DYNC1I1: variants seen among roughly 807,000 people sequenced by gnomAD.
The protein encoded by DYNC1I1 is dynein cytoplasmic 1 intermediate chain 1, also known as cytoplasmic dynein 1 intermediate chain 1.
A neutral mutation model predicts 86.6 loss-of-function variants in DYNC1I1; 43 were observed. The ratio of observed to expected loss-of-function variants is 0.50; its 90% CI spans 0.39 to 0.64. The LOEUF is 0.64. DYNC1I1 is among the 30% of genes least tolerant of loss of function. The pLI, the probability that DYNC1I1 is intolerant of heterozygous loss-of-function variation, is 0.00. For synonymous variants in DYNC1I1, 262 were observed against 283.7 expected, an observed-to-expected ratio of 0.92 and a Z score of 0.77; for missense variants, 604 against 788.8, an observed-to-expected ratio of 0.77 and a Z score of 2.81.
intron 5 of DYNC1I1, among the ~76,000 whole-genome samples, chr7:95,848,823 T>C (rs1789504021): frequency 6.6e-6 from 1 of 152,162 alleles, no homozygotes; most frequent in Admixed American, 6.5e-5. Context: ...ATAATGGCTA[T>C]ACTAATGTAC....
chr7:95,968,720 G>T (rs996537422), intron 6 of DYNC1I1, among the ~76,000 whole-genome samples: 1 of 152,132 alleles, frequency 6.6e-6, no homozygotes, highest in Non-Finnish European at 1.5e-5. Flanking sequence ...GTCTAAAAGC[G>T]GAAGTAGATA....
At chr7:95,780,796 C>T (rs1023945967) in intron 1 of DYNC1I1, among the ~76,000 whole-genome samples, 1 of 152,126 alleles carries the variant, frequency 6.6e-6, no homozygotes, top group Non-Finnish European at 1.5e-5. Context: ...GACCCTGAGA[C>T]TCTGTCTCAG....
At chr7:96,076,289 T>C (rs1162417672) in intron 15 of DYNC1I1, 92 bp downstream of exon 15, 3 of 1,522,356 alleles carry the variant, frequency 2.0e-6, no homozygotes, top group Non-Finnish European at 1.8e-6. Context: ...AAAACGGCCT[T>C]TTTTGGACAG....
At chr7:95,856,737 T>C (rs2116097812) in intron 5 of DYNC1I1, among the ~76,000 whole-genome samples, 1 of 152,166 alleles carries the variant, frequency 6.6e-6, no homozygotes, top group East Asian at 1.9e-4. Context: ...TCCCAGCACT[T>C]TGGGAGGCTG....
intron 1 of DYNC1I1, among the ~76,000 whole-genome samples, chr7:95,787,416 G>T (rs1395131605): frequency 6.6e-6 from 1 of 152,120 alleles, no homozygotes; most frequent in Non-Finnish European, 1.5e-5. Context: ...GGGAAGGGAG[G>T]CAGAATCTAG....
chr7:95,811,325 C>T (rs1794825929), intron 3 of DYNC1I1, among the ~76,000 whole-genome samples: 1 of 151,936 alleles, frequency 6.6e-6, no homozygotes, highest in African/African-American at 2.4e-5. Context: ...TAGTTAAAAA[C>T]CCTTTTGGAA....
At chr7:95,901,072 G>T (rs938434783) in intron 6 of DYNC1I1, among the ~76,000 whole-genome samples, 3 of 152,204 alleles carry the variant, frequency 2.0e-5, no homozygotes, top group Non-Finnish European at 4.4e-5. Context: ...ATGTCAGCTT[G>T]GATGGAAATA....
At chr7:95,941,499 G>T (rs1463732812) in intron 6 of DYNC1I1, among the ~76,000 whole-genome samples, 1 of 152,154 alleles carries the variant, frequency 6.6e-6, no homozygotes, top group Non-Finnish European at 1.5e-5. Flanking sequence ...AGCAAGCCTG[G>T]GCAATGGCGG....
chr7:96,083,629 T>C (rs1218918228), intron 16 of DYNC1I1, among the ~76,000 whole-genome samples: 7 of 152,198 alleles, frequency 4.6e-5, no homozygotes, highest in Non-Finnish European at 8.8e-5. Context: ...GATGGAATGC[T>C]TCATGGCAGG....
intron 14 of DYNC1I1, among the ~76,000 whole-genome samples, chr7:96,061,614 C>T (rs1489713378): frequency 2.6e-5 from 4 of 151,916 alleles, no homozygotes; most frequent in African/African-American, 7.2e-5. Context: ...AATAGTGAGC[C>T]GTTCACCCCC....
chr7:95,853,722 T>C (rs1192414199), intron 5 of DYNC1I1, among the ~76,000 whole-genome samples: 1 of 152,228 alleles, frequency 6.6e-6, no homozygotes, highest in Non-Finnish European at 1.5e-5. Flanking sequence ...ATTGATTTTC[T>C]GTCTGCCAAT....
chr7:96,076,230 G>A, intron 15 of DYNC1I1, 33 bp downstream of exon 15: 4 of 1,610,254 alleles, frequency 2.5e-6, no homozygotes, highest in Middle Eastern at 1.7e-4. Context: ...GGGCCGGAGG[G>A]CTGGGAGGGG....
intron 5 of DYNC1I1, among the ~76,000 whole-genome samples, chr7:95,851,984 A>G (rs972724476): frequency 6.6e-6 from 1 of 152,132 alleles, no homozygotes; most frequent in Admixed American, 6.5e-5. Flanking sequence ...TTTCAATAAC[A>G]TTCTTATCTG....
chr7:96,079,811 AT>A (rs1250254329), intron 15 of DYNC1I1, among the ~76,000 whole-genome samples: 1 of 151,880 alleles, frequency 6.6e-6, no homozygotes, highest in African/African-American at 2.4e-5. Flanking sequence ...TTTTTGAAAA[AT>A]TTTTTTTATC....
chr7:96,002,700 G>A (rs1794041238), intron 10 of DYNC1I1, among the ~76,000 whole-genome samples: 1 of 152,134 alleles, frequency 6.6e-6, no homozygotes, highest in Non-Finnish European at 1.5e-5. Flanking sequence ...TTGTGACTGA[G>A]GGGTTCTCCA....
At chr7:95,871,341 A>G (rs1790162092) in intron 6 of DYNC1I1, among the ~76,000 whole-genome samples, 1 of 152,228 alleles carries the variant, frequency 6.6e-6, no homozygotes, top group Non-Finnish European at 1.5e-5. Flanking sequence ...GTGGCTGAAA[A>G]TACAGTTAGC....
intron 14 of DYNC1I1, among the ~76,000 whole-genome samples, chr7:96,050,473 G>C (rs1042718577): frequency 9.8e-5 from 15 of 152,294 alleles, no homozygotes; most frequent in African/African-American, 3.6e-4. Flanking sequence ...TTTGTGATTT[G>C]AATAGTTAAT....
intron 5 of DYNC1I1, among the ~76,000 whole-genome samples, chr7:95,855,153 G>C (rs1562923490): frequency 6.6e-6 from 1 of 152,148 alleles, no homozygotes; most frequent in Non-Finnish European, 1.5e-5. Context: ...AACTCCTTCA[G>C]TTTTTGTTTG....
At position 95,797,651 on chromosome 7, in the gene DYNC1I1, CATTG is replaced by C. The variant is rs377199456; in HGVS notation, c.-9-7063_-9-7060del. ...TTAATGTAACAGAGTACAAAAAGTT[CATTG>C]ATTGATATGGTTTCATATTCACATT... On this transcript the variant is annotated intron_variant, in intron 1 of 16. Coordinates refer to ENST00000447467, the MANE Select transcript of DYNC1I1 (RefSeq NM_001135556.2). Among the ~76,000 whole-genome samples the C allele has an allele frequency of 7.2e-4, 110 of 152,276 alleles. 1 individual carries two copies. Among genetic ancestry groups the C allele is most frequent in the Middle Eastern group, 3.4e-3 (1 of 294 alleles).
Sources: allele counts gnomAD v4.1 joint callset (sites outside exome capture counted in the v4.1 genomes callset), GRCh38; gene constraint gnomAD v4.1.1; transcripts MANE v1.5; gene names NCBI Gene and HGNC (gene_info 2026-07-23, HGNC 2026-07-21).